Variants in TTN observed in about 807,000 individuals in gnomAD.
TTN encodes titin.
In TTN, 1,525 loss-of-function variants were observed where a neutral mutation model predicts 3,223.0. That is an observed-to-expected ratio of 0.47 (90% CI 0.45 to 0.49). The LOEUF (loss-of-function observed/expected upper bound fraction) is 0.49. Ranked by LOEUF, TTN falls within the 20% of genes least tolerant of loss-of-function variation. The pLI is 0.00. For missense variants in TTN, 40,786 were observed against 43,424.0 expected (o/e 0.94, Z 5.40); for synonymous variants, 14,094 against 15,161.0 (o/e 0.93, Z 5.17).
In TTN at chr2:178,727,341, G is replaced by T; in HGVS notation, c.20024C>A (p.Ala6675Asp). 6.2e-7 allele frequency: 1 copy of T among 1,603,538 alleles called. No homozygotes were observed. Among genetic ancestry groups the T allele is most frequent in the Non-Finnish European group, 8.5e-7 (1 of 1,174,684 alleles). ...EPPKFVKKLE[A>D]SKIVKAGDSS... ...GTCACCTGCTTTCACAATTTTGGAG[G>T]CTTCTAATTTCTTTACAAACTTTGG... Residue 6675 changes from alanine to aspartate, a missense_variant, in exon 69 of 363, where the codon GCC becomes GAC. By Grantham distance (126) the Ala-to-Asp change is moderately radical. Coordinates refer to ENST00000589042, the MANE Select transcript of TTN (RefSeq NM_001267550.2).
chr2:178,736,236 G>A (rs2081413609), intron 49 of TTN, among the ~76,000 whole-genome samples, 162 bp from the exon 50 acceptor site: 2 of 152,132 alleles, frequency 1.3e-5, no homozygotes, highest in Non-Finnish European at 2.9e-5. Flanking sequence ...ATTGTCAAAG[G>A]AAAGGGATGA....
chr2:178,610,583 G>C (rs1427953441), intron 270 of TTN, among the ~76,000 whole-genome samples, 194 bp from the exon 271 acceptor site: 1 of 151,918 alleles, frequency 6.6e-6, no homozygotes, highest in Non-Finnish European at 1.5e-5. Flanking sequence ...CCTCAAGTCT[G>C]TGTGCCAAGC....
chr2:178,595,164 G>C (rs1028864689), intron 295 of TTN, among the ~76,000 whole-genome samples: 1 of 151,960 alleles, frequency 6.6e-6, no homozygotes, highest in Non-Finnish European at 1.5e-5. Flanking sequence ...CCAGCTACTC[G>C]GGAGACTGAG....
chr2:178,785,717 G>T lies in TTN; in HGVS notation c.2396C>A (p.Thr799Lys), dbSNP rs149061352. 2.5e-6 allele frequency: 4 copies of T among 1,614,008 alleles called. No individual in the cohort carries two copies. The highest frequency in any genetic ancestry group is 3.4e-6 in the Non-Finnish European group (4 of 1,180,016). Residue 799 changes from threonine to lysine, a missense_variant, in exon 15 of 363, where the codon ACG becomes AAG. By Grantham distance (78) the Thr-to-Lys change is moderately conservative. Transcript: ENST00000589042. ...TTTATCCACATGGACTAATCTTTCC[G>T]TTGTTAGATCTGTAGTTTTCTTGAT... ...SQIKKTTDLTTERLVHVDKRP... is the reference protein window; with the variant it reads ...SQIKKTTDLTKERLVHVDKRP...
intron 69 of TTN, 98 bp downstream of exon 69, chr2:178,726,992 A>G: frequency 8.3e-7 from 1 of 1,211,786 alleles, no homozygotes; most frequent in South Asian, 3.0e-5. Context: ...TATGATCTCA[A>G]ATGGAAACTA....
chr2:178,713,965 C>A lies in TTN; in HGVS notation c.26693G>T (p.Gly8898Val). Reference protein sequence around the residue: ...KIINVAPSDSGVYSFEVQNPV... With the variant: ...KIINVAPSDSVVYSFEVQNPV... The stretch of plus-strand genomic sequence containing the variant: ...GTTCTGCACCTCAAAACTGTATACC[C>A]CACTGTCACTCGGTGCTACATTGAT... Residue 8898 changes from glycine (G) to valine (V), a missense_variant, in exon 92 of 363, where the codon GGG (glycine) becomes GTG (valine). Physicochemically the swap from Gly to Val is moderately radical, Grantham distance 109. Coordinates refer to ENST00000589042, the MANE Select transcript of TTN (RefSeq NM_001267550.2). 1 of 1,613,646 alleles carries A rather than the reference C, an allele frequency of 6.2e-7. No homozygotes were observed. Among genetic ancestry groups the A allele is most frequent in the East Asian group, 2.2e-5 (1 of 44,860 alleles).
At chr2:178,637,175 A>C (rs1316784990) in intron 224 of TTN, among the ~76,000 whole-genome samples, 194 bp downstream of exon 224, 3 of 122,570 alleles carry the variant, frequency 2.4e-5, no homozygotes, top group African/African-American at 1.1e-4. Flanking sequence ...ATATATATAT[A>C]TATATATATA....
In TTN at chr2:178,739,688, C is replaced by A. The variant is rs774883034; in HGVS notation, c.13545G>T (p.Lys4515Asn). 6.2e-7 allele frequency: 1 copy of A among 1,613,892 alleles called. No homozygotes were observed. The highest frequency in any genetic ancestry group is 1.3e-5 in the African/African-American group (1 of 75,032). ...CTTCTGGTTCAGTAATGGGTTCAAC[C>A]TTCTGTGAACCTGAAAAAGAATCCA... Reference protein sequence around the residue: ...EEMDSFSGSQKVEPITEPEVE... With the variant: ...EEMDSFSGSQNVEPITEPEVE... Residue 4515 changes from lysine (K) to asparagine (N), a missense_variant, in exon 48 of 363, where the codon AAG becomes AAT. By Grantham distance (94) the Lys-to-Asn change is moderately conservative. Coordinates refer to ENST00000589042, the MANE Select transcript of TTN (RefSeq NM_001267550.2).
At chr2:178,677,450 C>T in intron 146 of TTN, 163 bp from the exon 147 acceptor site, 1 of 726,148 alleles carries the variant, frequency 1.4e-6, no homozygotes, top group Non-Finnish European at 2.0e-6. Context: ...TAGACAGATA[C>T]ACAAGGCAGA....
At position 178,601,664 on chromosome 2, in the gene TTN, C is replaced by T. The variant is rs780649835; in HGVS notation, c.55426G>A (p.Val18476Ile). Residue 18476 changes from valine to isoleucine, a missense_variant, in exon 286 of 363, where the codon GTC becomes ATC. Transcript: ENST00000589042. ...CTTTCAAAGTCTTTCTTACCCATGA[C>T]TTTAACTCTGCAATTTGCAGTCTTT... ...GQKTANCRVK[V>I]MDVPGPPKDL... 2 of 1,597,228 alleles carry T rather than the reference C, an allele frequency of 1.3e-6. No homozygotes were observed. The highest frequency in any genetic ancestry group is 2.3e-5 in the South Asian group (2 of 86,886).
Position 178,611,599 on chromosome 2 carries a change from T to C in TTN, c.50630A>G (p.Glu16877Gly). The change falls in exon 269 of 363, where the codon GAG (glutamate) becomes GGG (glycine). Residue 16877 changes from glutamate to glycine, a missense_variant. Transcript: ENST00000589042. ...TATGATAGGACTTCCACCATTTTTC[T>C]CTGGAGGCTTCCAAGCAATGGCAAT... ...KHIAIAWKPPEKNGGSPIIGY... is the reference protein window; with the variant it reads ...KHIAIAWKPPGKNGGSPIIGY... The C allele has an allele frequency of 6.2e-7, 1 of 1,613,026 alleles. No homozygotes were observed. Among genetic ancestry groups the C allele is most frequent in the Non-Finnish European group, 8.5e-7 (1 of 1,179,318 alleles).
chr2:178,774,238 C>T lies in TTN; in HGVS notation c.7026G>A (p.Gly2342=), dbSNP rs764861642. 1.6e-5 allele frequency: 26 copies of T among 1,614,070 alleles called. No homozygotes were observed. The South Asian group carries it at 2.2e-4, about 14-fold the overall frequency. Residue 2342 remains glycine (G), a synonymous_variant, in exon 30 of 363, where the codon GGG becomes GGA. Transcript: ENST00000589042. ...TCTTTAATTTACAGGTTGTCTTTTTCCCGTCGATGACAAAGCTGTATTCTC... is the reference window on the plus strand; with the variant it reads ...TCTTTAATTTACAGGTTGTCTTTTTTCCGTCGATGACAAAGCTGTATTCTC... ...DQGEYSFVID[G]KKTTCKLKMK...
intron 163 of TTN, 96 bp downstream of exon 163, chr2:178,666,728 G>A: frequency 9.7e-7 from 1 of 1,033,830 alleles, no homozygotes; most frequent in South Asian, 1.9e-5. Flanking sequence ...GATTTCCACT[G>A]TAGCCACTTT....
At position 178,574,979 on chromosome 2, in the gene TTN, A is replaced by T; in HGVS notation, c.71153T>A (p.Val23718Asp). 1 of 1,613,080 alleles carries T rather than the reference A, an allele frequency of 6.2e-7. No individual in the cohort carries two copies. Among genetic ancestry groups the T allele is most frequent in the South Asian group, 1.1e-5 (1 of 91,054 alleles). The change falls in exon 326 of 363, where the codon GTC becomes GAC. Residue 23718 changes from valine to aspartate, a missense_variant. By Grantham distance (152) the Val-to-Asp change is radical. Transcript: ENST00000589042. Reference sequence around the variant, plus strand: ...GATATCATGGACTTGAATGGTGATGACATCACCAACCTCTCCTACAATGTT... The same window carrying T: ...GATATCATGGACTTGAATGGTGATGTCATCACCAACCTCTCCTACAATGTT... ...ARNIVGEVGD[V>D]ITIQVHDIPG...
rs1276191035 is a variant in TTN at position 178,535,553 on chromosome 2, C to A, written c.101062G>T (p.Asp33688Tyr). The A allele has an allele frequency of 1.9e-6, 3 of 1,613,838 alleles. No individual in the cohort carries two copies. The South Asian group carries it at 3.3e-5, about 18-fold the overall frequency. ...DQKTVELDVA[D>Y]VPDPPRGVKV... is the part of the protein sequence containing the mutation. ...ACTCCTCTGGGTGGGTCAGGAACAT[C>A]AGCCACATCCAGTTCAACTGTCTTC... The change falls in exon 358 of 363, where the codon GAT becomes TAT. Residue 33688 changes from aspartate to tyrosine, a missense_variant. By Grantham distance (160) the Asp-to-Tyr change is radical. Coordinates refer to ENST00000589042, the MANE Select transcript of TTN (RefSeq NM_001267550.2).
rs779794774 is a variant in TTN at position 178,663,840 on chromosome 2, G to C, written c.36427C>G (p.Pro12143Ala). Residue 12143 changes from proline (P) to alanine (A), a missense_variant, in exon 170 of 363, where the codon CCT becomes GCT. Transcript: ENST00000589042. ...CTACCTTTAACAGGTGGGACTTCAGGCTCTTTAGGAGGAGCCAAGGGCACT... is the reference window on the plus strand; with the variant it reads ...CTACCTTTAACAGGTGGGACTTCAGCCTCTTTAGGAGGAGCCAAGGGCACT... ...EKVPLAPPKE[P>A]EVPPVKVPEP... The C allele has an allele frequency of 8.1e-6, 13 of 1,613,432 alleles. No individual in the cohort carries two copies. Among genetic ancestry groups the C allele is most frequent in the South Asian group, 5.5e-5 (5 of 91,072 alleles).
chr2:178,592,998 A>G lies in TTN; in HGVS notation c.59121T>C (p.Asp19707=), dbSNP rs1362674604. ...VDLTWQPPRH[D]GGSKILGYIV... Reference sequence around the variant, plus strand: ...TATAACCCAGAATCTTGCTCCCACCATCATGACGTGGTGGCTGCCAAGTTA... The same window carrying G: ...TATAACCCAGAATCTTGCTCCCACCGTCATGACGTGGTGGCTGCCAAGTTA... The change falls in exon 300 of 363, where the codon GAT becomes GAC. Residue 19707 remains aspartate (D), a synonymous_variant. Transcript: ENST00000589042. 1.9e-6 allele frequency: 3 copies of G among 1,613,444 alleles called. No individual in the cohort carries two copies. The South Asian group carries it at 3.3e-5, about 18-fold the overall frequency.
chr2:178,534,307 T>A lies in TTN; in HGVS notation c.102308A>T (p.Asn34103Ile), dbSNP rs557630306. Residue 34103 changes from asparagine (N) to isoleucine (I), a missense_variant, in exon 358 of 363, where the codon AAC becomes ATC. Asn to Ile is a moderately radical substitution (Grantham distance 149). Transcript: ENST00000589042. ...YYHTLIKKDL[N>I]MVVSAARISC... ...GATCCGGGCTGCTGACACAACCATG[T>A]TGAGGTCTTTCTTGATCAGGGTGTG... 5.6e-6 allele frequency: 9 copies of A among 1,613,696 alleles called. No individual in the cohort carries two copies. The East Asian group carries it at 2.0e-4, about 36-fold the overall frequency.
Position 178,543,853 on chromosome 2 carries a change from T to TG in TTN, c.96290dup (p.Val32098SerfsTer4). ...GCTTACCATAGACTTTAACAAGGAC[T>TG]GTTGCTGATTTCTTGCCAGATTGGT... On this transcript the variant is annotated frameshift_variant, in exon 346 of 363. Coordinates refer to ENST00000589042, the MANE Select transcript of TTN (RefSeq NM_001267550.2). LOFTEE classifies it high-confidence loss of function. 1 of 1,613,718 alleles carries TG rather than the reference T, an allele frequency of 6.2e-7. No homozygotes were observed. Among genetic ancestry groups the TG allele is most frequent in the Non-Finnish European group, 8.5e-7 (1 of 1,179,696 alleles).
Sources: gnomAD v4.1 joint callset for allele counts (sites outside exome capture counted in the v4.1 genomes callset) on GRCh38, gnomAD v4.1.1 for gene constraint, MANE v1.5 for transcripts, NCBI Gene and HGNC (gene_info 2026-07-23, HGNC 2026-07-21) for gene names.